CD226: variants seen among roughly 807,000 people sequenced by gnomAD.
CD226 encodes CD226 molecule.
Under a neutral mutation model 34.9 loss-of-function variants are expected in CD226, and 24 were observed. That is an observed-to-expected ratio of 0.69 (90% confidence interval 0.50 to 0.97). The LOEUF (loss-of-function observed/expected upper bound fraction) is 0.97, where lower values mean the gene tolerates loss of function less well. Among genes scored for constraint, CD226 ranks in the 50% least tolerant of loss-of-function variants. The pLI, the probability that CD226 is intolerant of heterozygous loss-of-function variation, is 0.00. For synonymous variants in CD226, 148 were observed against 147.4 expected (o/e 1.00, Z -0.03); for missense variants, 397 against 412.7 (o/e 0.96, Z 0.33).
chr18:69,924,552 A>G (rs1204182192), intron 2 of CD226, among the ~76,000 whole-genome samples: 1 of 141,392 alleles, frequency 7.1e-6, no homozygotes, highest in African/African-American at 3.0e-5. Context: ...TAGACTTACA[A>G]AAAAAAAAAA....
intron 5 of CD226, among the ~76,000 whole-genome samples, chr18:69,865,526 T>A (rs1180015666): frequency 2.0e-5 from 3 of 150,778 alleles, no homozygotes; most frequent in Non-Finnish European, 4.4e-5. Context: ...CAACAATAAA[T>A]GTGACTAGAC....
intron 2 of CD226, among the ~76,000 whole-genome samples, chr18:69,911,796 T>C (rs1243354547): frequency 1.3e-5 from 2 of 152,184 alleles, no homozygotes; most frequent in Admixed American, 6.5e-5. Context: ...TTTTTATTCT[T>C]TTCTCAAAAT....
chr18:69,947,397 G>A lies in CD226; in HGVS notation c.10C>T (p.Pro4Ser). MDYPTLLLALLHVY... is the reference protein window; with the variant it reads MDYSTLLLALLHVY... ...TGAAGAAGAGCCAAAAGTAAAGTAG[G>A]ATAATCCATCTCTGGAAACTGTTTG... is the stretch of plus-strand genomic sequence containing the variant. Residue 4 changes from proline (P) to serine (S), a missense_variant, in exon 1 of 6, where the codon CCT becomes TCT. By Grantham distance (74) the Pro-to-Ser change is moderately conservative (BLOSUM62 -1). Coordinates refer to ENST00000582621, the MANE Select transcript of CD226 (RefSeq NM_001303618.2). 1 of 1,586,624 alleles carries A rather than the reference G, an allele frequency of 6.3e-7. No homozygotes were observed. Among genetic ancestry groups the A allele is most frequent in the Non-Finnish European group, 8.6e-7 (1 of 1,168,272 alleles).
Position 69,854,489 on chromosome 18 carries a change from G to A in CD226, c.*9825C>T, listed in dbSNP as rs936275540. ...ATGAGGATCCAAGAAAAATTTCCTC[G>A]TGGCTCTGGCAACAGATAGAGAGGG... On this transcript the variant is annotated 3_prime_UTR_variant, in exon 6 of 6. Transcript: ENST00000582621. 4 of 152,214 alleles carry A rather than the reference G, an allele frequency of 2.6e-5. No homozygotes were observed. The highest frequency in any genetic ancestry group is 7.2e-5 in the African/African-American group (3 of 41,434). 9.4% of individuals were successfully genotyped at this position (152,214 alleles called of 1,614,324 possible). A position where few individuals can be genotyped will look rare whatever the true frequency, so the allele number is the denominator to read the frequency against.
At chr18:69,908,768 T>C (rs2055287470) in intron 2 of CD226, among the ~76,000 whole-genome samples, 1 of 152,238 alleles carries the variant, frequency 6.6e-6, no homozygotes, top group Non-Finnish European at 1.5e-5. Context: ...TATGATTTTA[T>C]TCTTGCCTTT....
At chr18:69,908,624 C>T (rs1234643548) in intron 2 of CD226, among the ~76,000 whole-genome samples, 1 of 151,798 alleles carries the variant, frequency 6.6e-6, no homozygotes, top group Non-Finnish European at 1.5e-5. Context: ...GCCCCTTTTC[C>T]CTCCAATTCA....
At chr18:69,925,065 G>A (rs1167384767) in intron 2 of CD226, among the ~76,000 whole-genome samples, 2 of 152,096 alleles carry the variant, frequency 1.3e-5, no homozygotes, top group Non-Finnish European at 2.9e-5. Context: ...TGAACAAAAC[G>A]TTCTCACCGG....
intron 3 of CD226, among the ~76,000 whole-genome samples, chr18:69,890,882 C>T (rs1984854573): frequency 6.6e-6 from 1 of 152,048 alleles, no homozygotes. Flanking sequence ...AATGCCAATC[C>T]TGAGTTTAGA....
rs904376335 is a variant in CD226 at position 69,887,220 on chromosome 18, C to A, written c.727+8481G>T. On this transcript the variant is annotated intron_variant, in intron 3 of 5. Transcript: ENST00000582621. ...GTGGTTATAAAGTTGCCCACACAAT[C>A]GTGTGTATTTGTTGAGTGTTTACCA... Among the ~76,000 whole-genome samples, 4 of 152,210 alleles carry A rather than the reference C, an allele frequency of 2.6e-5. No individual in the cohort carries two copies. The East Asian group carries it at 7.7e-4, about 29-fold the overall frequency.
At chr18:69,957,127 T>C (rs1252252312), upstream of CD226, 1 of 152,198 alleles carries the variant, frequency 6.6e-6, no homozygotes, top group Non-Finnish European at 1.5e-5. Context: ...TGTCCCTCTT[T>C]TCCCCCAAAG....
intron 2 of CD226, among the ~76,000 whole-genome samples, chr18:69,925,145 C>T (rs2055506295): frequency 6.6e-6 from 1 of 152,146 alleles, no homozygotes; most frequent in Non-Finnish European, 1.5e-5. Flanking sequence ...AATGCACTTC[C>T]GATATTTGCA....
intron 3 of CD226, among the ~76,000 whole-genome samples, chr18:69,886,699 C>T (rs1449244952): frequency 1.4e-5 from 2 of 147,144 alleles, no homozygotes; most frequent in African/African-American, 5.2e-5. Context: ...GAGTGAGAAC[C>T]TGTCTCAAAA....
chr18:69,918,051 C>A (rs2055406981), intron 2 of CD226, among the ~76,000 whole-genome samples: 1 of 152,200 alleles, frequency 6.6e-6, no homozygotes, highest in East Asian at 1.9e-4. Flanking sequence ...GAGAAGGGCA[C>A]AGCCAATTTA....
intron 2 of CD226, among the ~76,000 whole-genome samples, chr18:69,945,666 C>A (rs1384674195): frequency 6.6e-6 from 1 of 152,118 alleles, no homozygotes; most frequent in African/African-American, 2.4e-5. Context: ...CCAGCCTGGG[C>A]AACATGTTGA....
At chr18:69,947,165 A>G in intron 1 of CD226, 96 bp from the exon 2 acceptor site, 1 of 1,082,004 alleles carries the variant, frequency 9.2e-7, no homozygotes. Context: ...TTGAGATCAC[A>G]GTAAAGGCTG....
chr18:69,906,989 C>T (rs903994836), intron 2 of CD226, among the ~76,000 whole-genome samples: 1 of 152,144 alleles, frequency 6.6e-6, no homozygotes, highest in Non-Finnish European at 1.5e-5. Context: ...GTGGCTGGAG[C>T]CTGCCTGAGA....
At chr18:69,918,989 A>G (rs1347694061) in intron 2 of CD226, among the ~76,000 whole-genome samples, 1 of 152,212 alleles carries the variant, frequency 6.6e-6, no homozygotes, top group Non-Finnish European at 1.5e-5. Flanking sequence ...GGTGGGGGCC[A>G]TGGGCCCTCC....
chr18:69,941,911 A>G (rs13381326), intron 2 of CD226, among the ~76,000 whole-genome samples: 11,886 of 152,212 alleles, frequency 0.078, 1,005 homozygotes, highest in African/African-American at 0.21. Flanking sequence ...TATTGTGGGA[A>G]GGACCCGGTG....
At position 69,895,914 on chromosome 18, in the gene CD226, G is replaced by C; in HGVS notation, c.514C>G (p.Gln172Glu). 6.2e-7 allele frequency: 1 copy of C among 1,614,108 alleles called. No individual in the cohort carries two copies. The highest frequency in any genetic ancestry group is 8.5e-7 in the Non-Finnish European group (1 of 1,180,018). The change falls in exon 3 of 6, where the codon CAG becomes GAG. Residue 172 changes from glutamine (Q) to glutamate (E), a missense_variant. Physicochemically the swap from Gln to Glu is conservative, Grantham distance 29. Coordinates refer to ENST00000582621, the MANE Select transcript of CD226 (RefSeq NM_001303618.2). The part of the protein sequence containing the change: ...AVRWEKIQPR[Q>E]IDLLTYCNLV... ...TTGCAGTAAGTTAAGAGGTCGATCT[G>C]ACGGGGCTGGATCTTTTCCCACCTC... is the stretch of plus-strand genomic sequence containing the variant.
Sources: gnomAD v4.1 joint callset for allele counts (sites outside exome capture counted in the v4.1 genomes callset) on GRCh38, gnomAD v4.1.1 for gene constraint, MANE v1.5 for transcripts, NCBI Gene and HGNC (gene_info 2026-07-23, HGNC 2026-07-21) for gene names.